The following PASK variants were observed in gnomAD, a reference collection of about 807,000 sequenced individuals.
The protein encoded by PASK is PAS domain containing serine/threonine kinase.
A neutral mutation model predicts 121.0 loss-of-function variants in PASK; 110 were observed. That is an observed-to-expected ratio of 0.91 (90% CI 0.78 to 1.06). The LOEUF (loss-of-function observed/expected upper bound fraction) is 1.06. Ranked by LOEUF, PASK falls within the 50% of genes least tolerant of loss-of-function variation. The pLI, the probability that PASK is intolerant of heterozygous loss-of-function variation, is 0.00. For synonymous variants in PASK, 686 were observed against 717.8 expected, an observed-to-expected ratio of 0.96 and a Z score of 0.71; for missense variants, 1,643 against 1,702.3, an observed-to-expected ratio of 0.97 and a Z score of 0.61.
chr2:241,126,974 C>G lies in PASK; in HGVS notation c.1941G>C (p.Trp647Cys). Residue 647 changes from tryptophan (W) to cysteine (C), a missense_variant, in exon 10 of 18, where the codon TGG (tryptophan) becomes TGC (cysteine). Coordinates refer to ENST00000234040, the MANE Select transcript of PASK (RefSeq NM_015148.4). ...CTTCTCGGTCGTTTTCCACTCCCAG[C>G]CACGGCTCATCTAGAGTAGGTGTCC... is the stretch of plus-strand genomic sequence containing the variant. ...SFGTPTLDEP[W>C]LGVENDREEL... 1 of 1,614,250 alleles carries G rather than the reference C, an allele frequency of 6.2e-7. No homozygotes were observed. Among genetic ancestry groups the G allele is most frequent in the Non-Finnish European group, 8.5e-7 (1 of 1,180,040 alleles).
Position 241,126,798 on chromosome 2 carries a change from C to T in PASK, c.2117G>A (p.Gly706Asp), listed in dbSNP as rs769919647. The stretch of plus-strand genomic sequence containing the variant: ...GGCTGAGGAGCTGCCCGTGCAGCCA[C>T]CGCACAGGTCTCTGCCTCCCAGATC... Reference protein sequence around the residue: ...SCDLGGRDLCGGCTGSSSACY... With the variant: ...SCDLGGRDLCDGCTGSSSACY... The change falls in exon 10 of 18, where the codon GGT (glycine) becomes GAT (aspartate). Residue 706 changes from glycine to aspartate, a missense_variant. Coordinates refer to ENST00000234040, the MANE Select transcript of PASK (RefSeq NM_015148.4). 3.7e-6 allele frequency: 6 copies of T among 1,613,854 alleles called. No individual in the cohort carries two copies. The highest frequency in any genetic ancestry group is 3.3e-5 in the Admixed American group (2 of 60,012).
intron 9 of PASK, among the ~76,000 whole-genome samples, chr2:241,129,846 A>C (rs928603073): frequency 1.3e-5 from 2 of 152,216 alleles, no homozygotes; most frequent in Non-Finnish European, 2.9e-5. Context: ...TAGGTCCTCC[A>C]GTGGGGAAGC....
At chr2:241,124,668 C>T (rs1290954981) in intron 10 of PASK, among the ~76,000 whole-genome samples, 1 of 152,244 alleles carries the variant, frequency 6.6e-6, no homozygotes, top group East Asian at 1.9e-4. Context: ...AGCTATACAC[C>T]AACATAAGTG....
intron 1 of PASK, among the ~76,000 whole-genome samples, chr2:241,148,650 G>A (rs939898114): frequency 6.6e-6 from 1 of 152,208 alleles, no homozygotes; most frequent in Non-Finnish European, 1.5e-5. Context: ...TCAATGCTTA[G>A]GAGTAACATG....
chr2:241,122,867 G>A lies in PASK; in HGVS notation c.2937C>T (p.Pro979=), dbSNP rs1426481304. 4 of 1,614,026 alleles carry A rather than the reference G, an allele frequency of 2.5e-6. No individual in the cohort carries two copies. In the African/African-American group the frequency reaches 5.3e-5, roughly 22 times the overall value. ...ACCCCTCCAGTTCCACAGCCTTGGG[G>A]GGCTCCTCAAACCAGGGTCTGGCTC... The part of the protein sequence containing the change: ...VLRARPWFEE[P]PKAVELEGLA... The change falls in exon 12 of 18, where the codon CCC becomes CCT. Residue 979 remains proline, a synonymous_variant. Coordinates refer to ENST00000234040, the MANE Select transcript of PASK (RefSeq NM_015148.4).
chr2:241,107,302 C>T (rs1160156409), intron 17 of PASK, 51 bp downstream of exon 17: 11 of 1,562,078 alleles, frequency 7.0e-6, no homozygotes, highest in South Asian at 1.1e-5. Context: ...CTGGGGACCT[C>T]GTTATTCCAA....
rs2125403942 is a variant in PASK at position 241,112,176 on chromosome 2, C to T, written c.3533+64G>A. 2 of 1,298,828 alleles carry T rather than the reference C, an allele frequency of 1.5e-6. No individual in the cohort carries two copies. Among genetic ancestry groups the T allele is most frequent in the Non-Finnish European group, 1.1e-6 (1 of 893,744 alleles). The allele number at this position is 1,298,828 out of a possible 1,614,324, so 80.5% of individuals were successfully genotyped here. A position where few individuals can be genotyped will look rare whatever the true frequency, so the allele number is the denominator to read the frequency against. ...AGGAAGCCATTTTCCCACCCAAAATCAAGCCACCCTCAGGGTCCTGACAGA... is the reference window on the plus strand; with the variant it reads ...AGGAAGCCATTTTCCCACCCAAAATTAAGCCACCCTCAGGGTCCTGACAGA... On this transcript the variant is annotated intron_variant, in intron 15 of 17. Coordinates refer to ENST00000234040, the MANE Select transcript of PASK (RefSeq NM_015148.4). This position sits in a 1 kb window ranked among gnomAD's most constrained non-coding sequence, Gnocchi z 5.2.
intron 10 of PASK, among the ~76,000 whole-genome samples, chr2:241,125,587 G>C (rs1406275439): frequency 7.4e-6 from 1 of 135,098 alleles, no homozygotes; most frequent in Non-Finnish European, 1.5e-5. Flanking sequence ...GCAACAGAGA[G>C]AGACTCTGTC....
intron 12 of PASK, among the ~76,000 whole-genome samples, chr2:241,119,562 C>T (rs527837369): frequency 2.6e-5 from 4 of 152,098 alleles, no homozygotes; most frequent in South Asian, 4.2e-4. Flanking sequence ...CTCCGCCTCC[C>T]GGGTTCATGC....
At chr2:241,120,428 G>T (rs2065553963) in intron 12 of PASK, among the ~76,000 whole-genome samples, 1 of 151,508 alleles carries the variant, frequency 6.6e-6, no homozygotes, top group Non-Finnish European at 1.5e-5. Context: ...GGGAGGTGGA[G>T]GTTGCAGTGA....
intron 14 of PASK, chr2:241,113,530 CATAA>C (rs2065198341): frequency 5.9e-6 from 1 of 170,216 alleles, no homozygotes; most frequent in African/African-American, 2.4e-5. Context: ...TAGGTACACA[CATAA>C]ATACACATAT....
intron 12 of PASK, among the ~76,000 whole-genome samples, chr2:241,118,072 C>A (rs770706743): frequency 3.3e-5 from 5 of 152,128 alleles, no homozygotes; most frequent in African/African-American, 7.2e-5. Context: ...GTTAAGATGA[C>A]AATACTCTCC....
chr2:241,137,306 G>A lies in PASK; in HGVS notation c.877-42C>T, dbSNP rs762868065. 7.0e-6 allele frequency: 11 copies of A among 1,579,512 alleles called. No individual in the cohort carries two copies. In the East Asian group the frequency reaches 8.9e-5, roughly 13 times the overall value. Reference sequence around the variant, plus strand: ...TCGTTTGGCTTAAGCCGTGTTTCACGTGGACAGAGCACTGAGTCTGTGCTG... The same window carrying A: ...TCGTTTGGCTTAAGCCGTGTTTCACATGGACAGAGCACTGAGTCTGTGCTG... On this transcript the variant is annotated intron_variant, in intron 6 of 17. Coordinates refer to ENST00000234040, the MANE Select transcript of PASK (RefSeq NM_015148.4).
At chr2:241,132,460 TGCAATGA>T (rs139092072) in intron 9 of PASK, among the ~76,000 whole-genome samples, 40,050 of 136,038 alleles carry the variant, frequency 0.29, 6,334 homozygotes, top group Middle Eastern at 0.45. Context: ...GAGCTTGCAA[TGCAATGA>T]GCAATGAGCT....
intron 8 of PASK, chr2:241,133,329 G>A (rs924327978): frequency 7.0e-5 from 31 of 443,372 alleles, no homozygotes; most frequent in East Asian, 1.4e-4. Context: ...GATAGAAGCC[G>A]AAGTCTCGGC....
At position 241,115,102 on chromosome 2, in the gene PASK, C is replaced by T. The variant is rs201455432; in HGVS notation, c.3274G>A (p.Ala1092Thr). The T allele has an allele frequency of 2.9e-5, 46 of 1,613,994 alleles. No homozygotes were observed. The East Asian group carries it at 7.1e-4, about 25-fold the overall frequency. Reference sequence around the variant, plus strand: ...AGCCTGGGGTGGCGGTCGATGAAAGCGAAGAGGTCTAGGCCGGAGCCGTGC... The same window carrying T: ...AGCCTGGGGTGGCGGTCGATGAAAGTGAAGAGGTCTAGGCCGGAGCCGTGC... ...EKHGSGLDLF[A>T]FIDRHPRLDE... Residue 1092 changes from alanine to threonine, a missense_variant, in exon 14 of 18, where the codon GCT becomes ACT. By Grantham distance (58) the Ala-to-Thr change is moderately conservative (BLOSUM62 0). Around this residue, in one of 3 missense-constraint regions of PASK, gnomAD observed 453 missense variants for 511.2 expected, o/e 0.89. Transcript: ENST00000234040.
At chr2:241,107,875 A>G (rs1433128324) in intron 16 of PASK, among the ~76,000 whole-genome samples, 2 of 151,996 alleles carry the variant, frequency 1.3e-5, no homozygotes, top group African/African-American at 4.8e-5. Flanking sequence ...TTCGGGCCCC[A>G]GTTCCTTTAA....
chr2:241,144,113 CGTGCGTGTGT>C (rs972839712), intron 1 of PASK, among the ~76,000 whole-genome samples: 13 of 151,654 alleles, frequency 8.6e-5, no homozygotes, highest in Admixed American at 2.0e-4. Flanking sequence ...CGTGTGTGTC[CGTGCGTGTGT>C]GTGCGTGTGC....
At position 241,124,059 on chromosome 2, in the gene PASK, G is replaced by C; in HGVS notation, c.2794C>G (p.Leu932Val). 6.2e-7 allele frequency: 1 copy of C among 1,613,678 alleles called. No homozygotes were observed. The highest frequency in any genetic ancestry group is 8.5e-7 in the Non-Finnish European group (1 of 1,179,852). ...GCTGAGTCGCGTTGGCTGTGGAGGA[G>C]GTCTTTCACCAGCCAGCAGCAGAAC... ...PLFCCWLVKD[L>V]LHSQRDSAAR... Residue 932 changes from leucine (L) to valine (V), a missense_variant, in exon 11 of 18, where the codon CTC (leucine) becomes GTC (valine). By Grantham distance (32) the Leu-to-Val change is conservative (BLOSUM62 1). Transcript: ENST00000234040.
Sources: allele counts gnomAD v4.1 joint callset (sites outside exome capture counted in the v4.1 genomes callset), GRCh38; gene constraint gnomAD v4.1.1; regional missense constraint gnomAD v4.1.1; non-coding constraint Gnocchi (gnomAD v3.1); transcripts MANE v1.5; gene names NCBI Gene and HGNC (gene_info 2026-07-23, HGNC 2026-07-21).